Variants in PHKA2 observed in about 807,000 individuals in gnomAD.
PHKA2 encodes phosphorylase kinase regulatory subunit alpha 2.
Under a neutral mutation model 102.0 loss-of-function variants are expected in PHKA2, and 31 were observed. The ratio of observed to expected loss-of-function variants is 0.30; its 90% confidence interval spans 0.23 to 0.41. The LOEUF (loss-of-function observed/expected upper bound fraction) is 0.41. Among genes scored for constraint, PHKA2 ranks in the 10% least tolerant of loss-of-function variants. The pLI, the probability that PHKA2 is intolerant of heterozygous loss-of-function variation, is 1.00. For missense variants in PHKA2, 858 were observed against 1,023.1 expected, an observed-to-expected ratio of 0.84 and a Z score of 2.20; for synonymous variants, 455 against 416.2, an observed-to-expected ratio of 1.09 and a Z score of -1.13.
chrX:18,946,466 G>C (rs761745132), intron 5 of PHKA2, among the ~76,000 whole-genome samples: 1 of 111,229 alleles, frequency 9.0e-6, no homozygotes, highest in East Asian at 2.8e-4. Flanking sequence ...GTATTTCCTA[G>C]TGGATCACAT....
intron 19 of PHKA2, 50 bp from the exon 20 acceptor site, chrX:18,911,010 C>CTTTT: frequency 1.8e-6 from 1 of 559,988 alleles, no homozygotes; most frequent in Non-Finnish European, 2.7e-6. Flanking sequence ...AAGAACAACA[C>CTTTT]TTTTTTTTTT....
intron 17 of PHKA2, among the ~76,000 whole-genome samples, chrX:18,921,865 C>T (rs1056439784): frequency 8.9e-6 from 1 of 112,651 alleles, no homozygotes; most frequent in Admixed American, 9.4e-5. Flanking sequence ...AAAGTGAAGC[C>T]TCAATGAGAC....
chrX:18,901,475 G>C lies in PHKA2; in HGVS notation c.3027+10C>G. The C allele has an allele frequency of 2.8e-6, 3 of 1,071,506 alleles. No homozygotes were observed. The highest frequency in any genetic ancestry group is 3.9e-6 in the Non-Finnish European group (3 of 767,519). The allele number at this position is 1,071,506 out of a possible 1,213,427, so 88.3% of individuals were successfully genotyped here. A position where few individuals can be genotyped will look rare whatever the true frequency, so the allele number is the denominator to read the frequency against. On this transcript the variant is annotated intron_variant, in intron 27 of 32. Coordinates refer to ENST00000379942, the MANE Select transcript of PHKA2 (RefSeq NM_000292.3). ...CCACTCATCCCTCGCTGCCACTGAG[G>C]TGTTCTTACCTGTTTCATTTCACTC...
intron 20 of PHKA2, among the ~76,000 whole-genome samples, chrX:18,909,555 T>C (rs1279006973): frequency 8.9e-6 from 1 of 112,081 alleles, no homozygotes; most frequent in Non-Finnish European, 1.9e-5. Context: ...CCTGTATAAA[T>C]ACACTTACCC....
Position 18,938,612 on chromosome X carries a change from C to G in PHKA2, c.1041+15G>C. On this transcript the variant is annotated intron_variant, in intron 10 of 32. Coordinates refer to ENST00000379942, the MANE Select transcript of PHKA2 (RefSeq NM_000292.3). ...ATGAAAATAATTATCAACGTAACAC[C>G]CAGCATTTTCTCACCTGAACAGCAT... 1 of 1,197,060 alleles carries G rather than the reference C, an allele frequency of 8.4e-7. No homozygotes were observed. Among genetic ancestry groups the G allele is most frequent in the African/African-American group, 1.7e-5 (1 of 57,490 alleles).
rs1272096118 is a variant in PHKA2 at position 18,901,683 on chromosome X, C to T, written c.2909-80G>A. On this transcript the variant is annotated intron_variant, in intron 26 of 32. Coordinates refer to ENST00000379942, the MANE Select transcript of PHKA2 (RefSeq NM_000292.3). Reference sequence around the variant, plus strand: ...AGGCAGGATCTGCCCCTGTCTCCCCCACTTGACAATGAGGGCCTTCTCTGC... The same window carrying T: ...AGGCAGGATCTGCCCCTGTCTCCCCTACTTGACAATGAGGGCCTTCTCTGC... 6 of 663,361 alleles carry T rather than the reference C, an allele frequency of 9.0e-6. No homozygotes were observed. The East Asian group carries it at 1.6e-4, about 18-fold the overall frequency. 54.7% of individuals were successfully genotyped at this position (663,361 alleles called of 1,213,427 possible).
At chrX:18,930,957 AGC>A (rs2048305258) in intron 12 of PHKA2, among the ~76,000 whole-genome samples, 3 of 111,217 alleles carry the variant, frequency 2.7e-5, no homozygotes, top group Non-Finnish European at 5.7e-5. Context: ...CCCGGGGTCC[AGC>A]CGAAGCACTC....
chrX:18,930,027 A>G (rs2048286519), intron 12 of PHKA2, among the ~76,000 whole-genome samples: 1 of 112,557 alleles, frequency 8.9e-6, no homozygotes, highest in South Asian at 3.6e-4. Flanking sequence ...ATTAGCATTC[A>G]TCAGGCCCCT....
chrX:18,977,734 T>A (rs1490036739), intron 1 of PHKA2, among the ~76,000 whole-genome samples: 3 of 112,339 alleles, frequency 2.7e-5, no homozygotes, highest in African/African-American at 9.7e-5. Context: ...TATTCATACA[T>A]CAACGTATTT....
chrX:18,977,875 A>T (rs1019488298), intron 1 of PHKA2, among the ~76,000 whole-genome samples: 1 of 112,262 alleles, frequency 8.9e-6, no homozygotes, highest in Non-Finnish European at 1.9e-5. Context: ...AATTTCTATT[A>T]CCTGGGCCAG....
At chrX:18,916,768 C>CA (rs1393699220) in intron 19 of PHKA2, among the ~76,000 whole-genome samples, 1 of 112,338 alleles carries the variant, frequency 8.9e-6, no homozygotes, top group Non-Finnish European at 1.9e-5. Context: ...ATGCCAGCAT[C>CA]ATGCTTCCTG....
rs187526686 is a variant in PHKA2 at position 18,937,397 on chromosome X, C to T, written c.1041+1230G>A. On this transcript the variant is annotated intron_variant, in intron 10 of 32. Coordinates refer to ENST00000379942, the MANE Select transcript of PHKA2 (RefSeq NM_000292.3). ...ATGCACTAGGCACAGGGACTATACCCGTGAACTGGAGAGAGATGGCCTCTA... is the reference window on the plus strand; with the variant it reads ...ATGCACTAGGCACAGGGACTATACCTGTGAACTGGAGAGAGATGGCCTCTA... 7.2e-3 allele frequency among the ~76,000 whole-genome samples: 806 copies of T among 111,189 alleles called. 9 individuals are homozygous for T. Among genetic ancestry groups the T allele is most frequent in the African/African-American group, 0.025 (748 of 30,518 alleles).
At chrX:18,904,236 G>A (rs1169438781) in intron 26 of PHKA2, among the ~76,000 whole-genome samples, 1 of 111,866 alleles carries the variant, frequency 8.9e-6, no homozygotes, top group Non-Finnish European at 1.9e-5. Context: ...GAAGGAGAAG[G>A]GTCTGGAAGC....
rs375353132 is a variant in PHKA2, at chrX:18,943,701, G to A, written c.717+9C>T. ...CTTCCCTGCTCTCTGAAATGCAAGA[G>A]GCTATTACCTGGCAGTGCTCGACCT... is the stretch of plus-strand genomic sequence containing the variant. On this transcript the variant is annotated intron_variant, in intron 7 of 32. Coordinates refer to ENST00000379942, the MANE Select transcript of PHKA2 (RefSeq NM_000292.3). The A allele has an allele frequency of 1.7e-6, 2 of 1,170,989 alleles. No homozygotes were observed. Among genetic ancestry groups the A allele is most frequent in the African/African-American group, 3.5e-5 (2 of 56,471 alleles).
intron 1 of PHKA2, among the ~76,000 whole-genome samples, chrX:18,966,773 G>A (rs1017880396): frequency 8.9e-6 from 1 of 111,850 alleles, no homozygotes; most frequent in African/African-American, 3.3e-5. Context: ...CACTAAGAAT[G>A]TCACCTCTGC....
chrX:18,901,461 T>A (rs1395263790), intron 27 of PHKA2, 24 bp downstream of exon 27: 1 of 994,480 alleles, frequency 1.0e-6, no homozygotes, highest in Admixed American at 2.2e-5. Context: ...CACTCATCCC[T>A]CGCTGCCACT....
chrX:18,907,915 C>T lies in PHKA2; in HGVS notation c.2502G>A (p.Val834=), dbSNP rs2047850916. Residue 834 remains valine (V), a synonymous_variant, in exon 22 of 33, where the codon GTG becomes GTA. Coordinates refer to ENST00000379942, the MANE Select transcript of PHKA2 (RefSeq NM_000292.3). ...TCGCACTGACCTCAGCCAGGACCTC[C>T]ACTTTCTTCCTGAGAAGGCCTGAGA... ...RYISGLLRKK[V]EVLAEACTDL... The T allele has an allele frequency of 8.3e-7, 1 of 1,211,523 alleles. No individual in the cohort carries two copies. The highest frequency in any genetic ancestry group is 3.0e-5 in the East Asian group (1 of 33,822).
chrX:18,976,978 T>C lies in PHKA2; in HGVS notation c.78+6877A>G, dbSNP rs187648786. The stretch of plus-strand genomic sequence containing the variant: ...TACACTCTGTTGTCCTTTTCACAAC[T>C]GTGAGTTTATTAATTTTTAAATCTT... On this transcript the variant is annotated intron_variant, in intron 1 of 32. Coordinates refer to ENST00000379942, the MANE Select transcript of PHKA2 (RefSeq NM_000292.3). 5.4e-3 allele frequency among the ~76,000 whole-genome samples: 613 copies of C among 112,651 alleles called. 1 individual carries two copies. Among genetic ancestry groups the C allele is most frequent in the Non-Finnish European group, 8.8e-3 (471 of 53,366 alleles).
chrX:18,965,893 C>G (rs1396839225), intron 1 of PHKA2, among the ~76,000 whole-genome samples: 1 of 110,821 alleles, frequency 9.0e-6, no homozygotes, highest in East Asian at 2.8e-4. Flanking sequence ...AAATAAATAG[C>G]CTTTTAAAGT....
Sources: allele counts gnomAD v4.1 joint callset (sites outside exome capture counted in the v4.1 genomes callset), GRCh38; gene constraint gnomAD v4.1.1; transcripts MANE v1.5; gene names NCBI Gene and HGNC (gene_info 2026-07-23, HGNC 2026-07-21).